The following LHFPL2 variants were observed in gnomAD, a reference collection of about 807,000 sequenced individuals.
LHFPL2 encodes the protein LHFPL tetraspan subfamily member 2, also known as LHFPL tetraspan subfamily member 2 protein.
LHFPL2 carries 7 observed loss-of-function variants against 17.5 expected under a neutral mutation model. The observed-to-expected ratio is 0.40, with a 90% CI of 0.23 to 0.75. The LOEUF (loss-of-function observed/expected upper bound fraction) is 0.75. Ranked by LOEUF, LHFPL2 falls within the 30% of genes least tolerant of loss-of-function variation. The pLI, the probability that LHFPL2 is intolerant of heterozygous loss-of-function variation, is 0.37. For synonymous variants in LHFPL2, 134 were observed against 116.2 expected (o/e 1.15, Z -0.99); for missense variants, 241 against 294.8 (o/e 0.82, Z 1.34).
At chr5:78,639,354 AAC>A (rs1236224215) in intron 1 of LHFPL2, among the ~76,000 whole-genome samples, 1 of 152,212 alleles carries the variant, frequency 6.6e-6, no homozygotes, top group Non-Finnish European at 1.5e-5. Flanking sequence ...CAAACAAACA[AAC>A]AAAATGCATA....
At chr5:78,605,940 G>A (rs1305752975) in intron 2 of LHFPL2, among the ~76,000 whole-genome samples, 1 of 152,080 alleles carries the variant, frequency 6.6e-6, no homozygotes, top group East Asian at 1.9e-4. Flanking sequence ...AATTGCTTTC[G>A]TCAGCCACAC....
At chr5:78,496,401 A>AT (rs1025744564) in intron 4 of LHFPL2, among the ~76,000 whole-genome samples, 10 of 152,242 alleles carry the variant, frequency 6.6e-5, no homozygotes, top group African/African-American at 2.4e-4. Flanking sequence ...ATAGCTGGCC[A>AT]TTGGCCCTTT....
chr5:78,543,186 G>A (rs1306208382), intron 3 of LHFPL2, among the ~76,000 whole-genome samples: 7 of 152,178 alleles, frequency 4.6e-5, no homozygotes, highest in African/African-American at 1.7e-4. Context: ...TGTGCCCTAT[G>A]TAAACCAGAC....
chr5:78,528,526 A>G (rs1170670522), intron 3 of LHFPL2, among the ~76,000 whole-genome samples: 2 of 152,252 alleles, frequency 1.3e-5, no homozygotes, highest in Non-Finnish European at 2.9e-5. Flanking sequence ...GTCTTCCACG[A>G]AACAGGTCCC....
intron 3 of LHFPL2, among the ~76,000 whole-genome samples, chr5:78,518,332 G>A (rs182347843): frequency 2.6e-5 from 4 of 152,350 alleles, no homozygotes; most frequent in Non-Finnish European, 5.9e-5. Flanking sequence ...ACTTTGGGAG[G>A]CCGAGGCGGG....
Position 78,486,165 on chromosome 5 carries a change from C to T in LHFPL2, c.*2732G>A, listed in dbSNP as rs534905998. Reference sequence around the variant, plus strand: ...AATATATGTTTAACAAAGATCATTACACCACAGATGTTTGAAAACTATACA... The same window carrying T: ...AATATATGTTTAACAAAGATCATTATACCACAGATGTTTGAAAACTATACA... On this transcript the variant is annotated 3_prime_UTR_variant, in exon 5 of 5. Coordinates refer to ENST00000380345, the MANE Select transcript of LHFPL2 (RefSeq NM_005779.3). 5.2e-5 allele frequency: 8 copies of T among 152,690 alleles called. No homozygotes were observed. Among genetic ancestry groups the T allele is most frequent in the Middle Eastern group, 6.8e-3 (2 of 294 alleles). 9.5% of individuals were successfully genotyped at this position (152,690 alleles called of 1,614,324 possible).
chr5:78,512,621 C>A (rs140079408), intron 3 of LHFPL2, among the ~76,000 whole-genome samples: 11 of 152,138 alleles, frequency 7.2e-5, no homozygotes, highest in African/African-American at 2.6e-4. Context: ...ACGTACCCAT[C>A]AGGCTCACAA....
intron 2 of LHFPL2, among the ~76,000 whole-genome samples, chr5:78,565,503 TAAGCCTACTAATAC>T (rs1756836056): frequency 1.3e-5 from 2 of 152,270 alleles, no homozygotes; most frequent in South Asian, 4.1e-4. Flanking sequence ...TAGAAAATTA[TAAGCCTACTAATAC>T]ATTCACAAAA....
At chr5:78,521,289 A>C (rs1322546986) in intron 3 of LHFPL2, among the ~76,000 whole-genome samples, 1 of 152,230 alleles carries the variant, frequency 6.6e-6, no homozygotes, top group Non-Finnish European at 1.5e-5. Flanking sequence ...TTCTCTCATC[A>C]GTTATAAATG....
intron 4 of LHFPL2, among the ~76,000 whole-genome samples, chr5:78,508,738 A>C (rs2112319627): frequency 6.6e-6 from 1 of 152,264 alleles, no homozygotes; most frequent in East Asian, 1.9e-4. Context: ...ACAGCTCTAG[A>C]ATTTGCTGAG....
At chr5:78,501,453 G>C (rs1754770361) in intron 4 of LHFPL2, among the ~76,000 whole-genome samples, 1 of 152,148 alleles carries the variant, frequency 6.6e-6, no homozygotes, top group African/African-American at 2.4e-5. Flanking sequence ...GGGGAGTGTA[G>C]AGGGTACCTG....
chr5:78,595,897 C>G lies in LHFPL2; in HGVS notation c.-244-31026G>C, dbSNP rs115772346. On this transcript the variant is annotated intron_variant, in intron 2 of 4. Coordinates refer to ENST00000380345, the MANE Select transcript of LHFPL2 (RefSeq NM_005779.3). ...AACAAAAAAGAAACTCAAAAACTTA[C>G]AGCATTTTTTCCTATAAGCATTCTG... is the stretch of plus-strand genomic sequence containing the variant. Among the ~76,000 whole-genome samples the G allele has an allele frequency of 7.7e-3, 1,175 of 152,264 alleles. 14 individuals are homozygous for G. Among genetic ancestry groups the G allele is most frequent in the African/African-American group, 0.026 (1,099 of 41,550 alleles).
chr5:78,612,731 G>A (rs926599002), intron 2 of LHFPL2, among the ~76,000 whole-genome samples: 5 of 152,172 alleles, frequency 3.3e-5, no homozygotes, highest in East Asian at 1.9e-4. Context: ...AGTAAACAGC[G>A]ACAACCCAGA....
At chr5:78,645,512 TCATTAACCC>T (rs1211077529) in intron 1 of LHFPL2, among the ~76,000 whole-genome samples, 1 of 149,874 alleles carries the variant, frequency 6.7e-6, no homozygotes, top group African/African-American at 2.5e-5. Context: ...GGGAATTGCA[TCATTAACCC>T]CAAGATAGAC....
intron 2 of LHFPL2, among the ~76,000 whole-genome samples, chr5:78,614,951 C>G (rs1012901780): frequency 2.0e-5 from 3 of 152,224 alleles, no homozygotes; most frequent in African/African-American, 7.2e-5. Flanking sequence ...CCCAGGCAGT[C>G]TGGCTCCAAA....
chr5:78,550,742 T>C (rs1756416633), intron 3 of LHFPL2, among the ~76,000 whole-genome samples: 1 of 152,080 alleles, frequency 6.6e-6, no homozygotes, highest in Non-Finnish European at 1.5e-5. Context: ...GGCTAATTTT[T>C]GTATTTTTGG....
intron 1 of LHFPL2, among the ~76,000 whole-genome samples, chr5:78,647,341 T>G (rs1745919621): frequency 6.6e-6 from 1 of 152,204 alleles, no homozygotes; most frequent in South Asian, 2.1e-4. Context: ...TGATCCTCTC[T>G]TAAACCTAGC....
At chr5:78,543,157 C>T (rs1051002188) in intron 3 of LHFPL2, among the ~76,000 whole-genome samples, 3 of 152,158 alleles carry the variant, frequency 2.0e-5, no homozygotes. Context: ...AAATGGCACA[C>T]CTGGTCCAAC....
intron 3 of LHFPL2, among the ~76,000 whole-genome samples, chr5:78,546,062 C>T (rs1039976588): frequency 1.3e-5 from 2 of 152,164 alleles, no homozygotes; most frequent in Admixed American, 6.5e-5. Flanking sequence ...CTAATTTCTA[C>T]GGTACCACTA....
Sources: allele counts gnomAD v4.1 joint callset (sites outside exome capture counted in the v4.1 genomes callset), GRCh38; gene constraint gnomAD v4.1.1; transcripts MANE v1.5; gene names NCBI Gene and HGNC (gene_info 2026-07-23, HGNC 2026-07-21).